SLC37A1: variants seen among roughly 807,000 people sequenced by gnomAD.
The protein encoded by SLC37A1 is solute carrier family 37 member 1, also known as glucose-6-phosphate exchanger SLC37A1.
A neutral mutation model predicts 75.3 loss-of-function variants in SLC37A1; 49 were observed. The observed-to-expected ratio is 0.65, with a 90% confidence interval of 0.52 to 0.83. SLC37A1 has a LOEUF of 0.83. Among genes scored for constraint, SLC37A1 ranks in the 40% least tolerant of loss-of-function variants. The pLI is 0.00. For missense variants in SLC37A1, 566 were observed against 695.0 expected (o/e 0.81, Z 2.09); for synonymous variants, 268 against 292.1 (o/e 0.92, Z 0.84).
chr21:42,546,973 A>G (rs1481478152), intron 8 of SLC37A1, 130 bp from the exon 9 acceptor site: 14 of 1,061,378 alleles, frequency 1.3e-5, no homozygotes, highest in Admixed American at 1.9e-5. Context: ...CACTCATTTA[A>G]TGTGAATCCT....
chr21:42,525,759 A>C lies in SLC37A1; in HGVS notation c.57-17A>C. ...CTGTTATTTCATATCATCCTCTCCCACTGTTTTGTGTTTCAGGTACAGAGC... is the reference window on the plus strand; with the variant it reads ...CTGTTATTTCATATCATCCTCTCCCCCTGTTTTGTGTTTCAGGTACAGAGC... On this transcript the variant is annotated splice_polypyrimidine_tract_variant and intron_variant, in intron 2 of 19. Coordinates refer to ENST00000352133, the MANE Select transcript of SLC37A1 (RefSeq NM_001320537.2). 5 of 1,588,730 alleles carry C rather than the reference A, an allele frequency of 3.1e-6. No individual in the cohort carries two copies. Among genetic ancestry groups the C allele is most frequent in the Non-Finnish European group, 4.3e-6 (5 of 1,157,198 alleles).
intron 10 of SLC37A1, among the ~76,000 whole-genome samples, chr21:42,554,868 C>CTGCTTA (rs1316952811): frequency 6.6e-6 from 1 of 152,138 alleles, no homozygotes; most frequent in East Asian, 1.9e-4. Context: ...CACATTGCTG[C>CTGCTTA]TGCTTAGCTG....
chr21:42,520,680 C>T (rs577842192), intron 2 of SLC37A1, among the ~76,000 whole-genome samples: 5 of 151,996 alleles, frequency 3.3e-5, no homozygotes, highest in Admixed American at 6.6e-5. Context: ...AAATGCACCC[C>T]GCTAGGAGGT....
chr21:42,576,801 G>A (rs1042067762), intron 18 of SLC37A1, among the ~76,000 whole-genome samples: 1 of 152,250 alleles, frequency 6.6e-6, no homozygotes, highest in African/African-American at 2.4e-5. Context: ...AGATACCGCT[G>A]AAGAGAAGAT....
intron 5 of SLC37A1, 106 bp from the exon 6 acceptor site, chr21:42,539,406 A>T: frequency 1.5e-6 from 2 of 1,319,916 alleles, no homozygotes; most frequent in Non-Finnish European, 2.1e-6. Context: ...AGAGTTCCCC[A>T]AGCTCAGAGA....
rs188451904 is a variant in SLC37A1, at chr21:42,500,903, C to G, written c.-301+1160C>G. ...ATGCCAGATACACACACGCCCATAC[C>G]TGAGGTATGTAGGTCAATGGAAGGC... On this transcript the variant is annotated intron_variant, in intron 1 of 20. Transcript: ENST00000398341. Among the ~76,000 whole-genome samples, 32 of 152,298 alleles carry G rather than the reference C, an allele frequency of 2.1e-4. 1 individual carries two copies. The highest frequency in any genetic ancestry group is 6.7e-4 in the African/African-American group (28 of 41,556).
intron 3 of SLC37A1, among the ~76,000 whole-genome samples, chr21:42,529,508 C>A (rs1397636313): frequency 6.6e-6 from 1 of 151,922 alleles, no homozygotes; most frequent in African/African-American, 2.4e-5. Flanking sequence ...GAGCCGAGAC[C>A]ACACCACCGC....
chr21:42,579,408 A>G (rs1246664316), intron 18 of SLC37A1, among the ~76,000 whole-genome samples: 1 of 110,050 alleles, frequency 9.1e-6, no homozygotes, highest in East Asian at 2.1e-4. Flanking sequence ...TCATGATTGG[A>G]TTAATTTTAG....
rs2054564071 is a variant in SLC37A1, at chr21:42,518,418, T to C, written c.-37T>C. Reference sequence around the variant, plus strand: ...AATGACTCATTTATGAAGCATCTTATTCTGCGACCGAGGCTCAGTGGTCAG... The same window carrying C: ...AATGACTCATTTATGAAGCATCTTACTCTGCGACCGAGGCTCAGTGGTCAG... On this transcript the variant is annotated 5_prime_UTR_variant, in exon 2 of 20. Transcript: ENST00000352133. The C allele has an allele frequency of 5.0e-6, 8 of 1,613,602 alleles. No homozygotes were observed. Among genetic ancestry groups the C allele is most frequent in the Non-Finnish European group, 6.8e-6 (8 of 1,179,678 alleles).
At chr21:42,508,039 T>C (rs913486119) in intron 2 of SLC37A1, among the ~76,000 whole-genome samples, 2 of 151,880 alleles carry the variant, frequency 1.3e-5, no homozygotes, top group Non-Finnish European at 2.9e-5. Flanking sequence ...CATCAAATGC[T>C]GGCCCAGAGG....
chr21:42,527,804 C>T (rs1041844791), intron 3 of SLC37A1, among the ~76,000 whole-genome samples: 7 of 152,212 alleles, frequency 4.6e-5, no homozygotes, highest in Non-Finnish European at 1.5e-5. Flanking sequence ...CTGCGATGTG[C>T]CTGGGCATGG....
rs1348357014 is a variant in SLC37A1, at chr21:42,501,946, A to G, written c.-300-350A>G. Among the ~76,000 whole-genome samples, 4 of 152,194 alleles carry G rather than the reference A, an allele frequency of 2.6e-5. No homozygotes were observed. In the East Asian group the frequency reaches 5.8e-4, roughly 22 times the overall value. ...GGATCAGATTTTCTAGAAAAGGGACAGGGAAAAAGGTGGCATGCTGAACCA... is the reference window on the plus strand; with the variant it reads ...GGATCAGATTTTCTAGAAAAGGGACGGGGAAAAAGGTGGCATGCTGAACCA... On this transcript the variant is annotated intron_variant, in intron 1 of 20. Transcript: ENST00000398341.
At position 42,580,519 on chromosome 21, in the gene SLC37A1, G is replaced by C; in HGVS notation, c.*159G>C. 2.7e-6 allele frequency: 2 copies of C among 728,302 alleles called. No individual in the cohort carries two copies. The highest frequency in any genetic ancestry group is 1.9e-5 in the South Asian group (1 of 53,784). The allele number at this position is 728,302 out of a possible 1,614,324, so 45.1% of individuals were successfully genotyped here. On this transcript the variant is annotated 3_prime_UTR_variant, in exon 20 of 20. Transcript: ENST00000352133. ...ACAGAAGCCAACCTGAGAACCCCTG[G>C]TGCTATTTTAAAGGAGACATATTGC...
chr21:42,580,409 T>G lies in SLC37A1; in HGVS notation c.*49T>G. On this transcript the variant is annotated 3_prime_UTR_variant, in exon 20 of 20. Transcript: ENST00000352133. ...GGGGTCTGGGCCCACCCTTCACAAC[T>G]GCCTTTCAAGGACAGTTCAGACAAA... 6.2e-7 allele frequency: 1 copy of G among 1,603,876 alleles called. No individual in the cohort carries two copies. The highest frequency in any genetic ancestry group is 8.5e-7 in the Non-Finnish European group (1 of 1,174,628).
At chr21:42,568,682 G>A (rs1360732651) in intron 17 of SLC37A1, among the ~76,000 whole-genome samples, 1 of 152,204 alleles carries the variant, frequency 6.6e-6, no homozygotes, top group East Asian at 1.9e-4. Flanking sequence ...CGAGGCAGTG[G>A]TTGGCAAACT....
At chr21:42,538,559 G>A (rs1345327188) in intron 5 of SLC37A1, among the ~76,000 whole-genome samples, 3 of 152,156 alleles carry the variant, frequency 2.0e-5, no homozygotes, top group South Asian at 2.1e-4. Context: ...AAGAAAGTGA[G>A]ACCCATAGAG....
At chr21:42,570,942 CCTGA>C (rs2056146685) in intron 17 of SLC37A1, among the ~76,000 whole-genome samples, 1 of 152,310 alleles carries the variant, frequency 6.6e-6, no homozygotes, top group East Asian at 1.9e-4. Flanking sequence ...TGCACCAAGT[CCTGA>C]CTGTCCGCGG....
At chr21:42,561,127 A>C (rs1210446909) in intron 11 of SLC37A1, among the ~76,000 whole-genome samples, 1 of 152,230 alleles carries the variant, frequency 6.6e-6, no homozygotes, top group Non-Finnish European at 1.5e-5. Context: ...AACTGTGAAG[A>C]CATCAACTCG....
intron 3 of SLC37A1, among the ~76,000 whole-genome samples, chr21:42,531,745 G>GT (rs1568998546): frequency 6.6e-6 from 1 of 150,526 alleles, no homozygotes; most frequent in Non-Finnish European, 1.5e-5. Context: ...GGAACGCCAC[G>GT]TTTGGGGGAT....
Sources: allele counts gnomAD v4.1 joint callset (sites outside exome capture counted in the v4.1 genomes callset), GRCh38; gene constraint gnomAD v4.1.1; transcripts MANE v1.5; gene names NCBI Gene and HGNC (gene_info 2026-07-23, HGNC 2026-07-21).